LMNTD1: variants seen among roughly 807,000 people sequenced by gnomAD.
The protein encoded by LMNTD1 is lamin tail domain containing 1, also known as lamin tail domain-containing protein 1.
LMNTD1 carries 35 observed loss-of-function variants against 50.9 expected under a neutral mutation model. The ratio of observed to expected loss-of-function variants is 0.69; its 90% CI spans 0.53 to 0.91. LMNTD1 has a LOEUF of 0.91. Ranked by LOEUF, LMNTD1 falls within the 40% of genes least tolerant of loss-of-function variation. LMNTD1 has a pLI of 0.00. For synonymous variants in LMNTD1, 153 were observed against 161.9 expected, an observed-to-expected ratio of 0.94 and a Z score of 0.42; for missense variants, 470 against 475.5, an observed-to-expected ratio of 0.99 and a Z score of 0.11.
At chr12:25,516,516 A>T (rs1422231535) in intron 8 of LMNTD1, among the ~76,000 whole-genome samples, 1 of 152,202 alleles carries the variant, frequency 6.6e-6, no homozygotes, top group Non-Finnish European at 1.5e-5. Flanking sequence ...GAAAGCCTCA[A>T]ATTTAAGTCA....
chr12:25,599,109 T>C (rs1399775609), intron 1 of LMNTD1, among the ~76,000 whole-genome samples: 10 of 152,024 alleles, frequency 6.6e-5, no homozygotes, highest in African/African-American at 1.9e-4. Flanking sequence ...TAAAAGATCA[T>C]TCATCATAAC....
intron 4 of LMNTD1, among the ~76,000 whole-genome samples, chr12:25,536,043 T>G (rs1479608546): frequency 1.3e-5 from 2 of 152,172 alleles, no homozygotes; most frequent in Admixed American, 6.5e-5. Context: ...TTCCTAAATG[T>G]TTCTGTTTCT....
chr12:25,647,352 G>A (rs1418172598), intron 1 of LMNTD1, among the ~76,000 whole-genome samples: 1 of 152,118 alleles, frequency 6.6e-6, no homozygotes, highest in African/African-American at 2.4e-5. Flanking sequence ...GGGCATGGTG[G>A]CCTGTGCCTG....
At chr12:25,622,463 G>GCAC (rs1555124240) in intron 1 of LMNTD1, among the ~76,000 whole-genome samples, 2 of 111,154 alleles carry the variant, frequency 1.8e-5, no homozygotes, top group Non-Finnish European at 4.0e-5. Context: ...GAGTTTGTGA[G>GCAC]CCCGCCCCCC....
intron 8 of LMNTD1, among the ~76,000 whole-genome samples, chr12:25,516,178 G>GA (rs1162575054): frequency 2.0e-5 from 3 of 151,812 alleles, no homozygotes; most frequent in African/African-American, 4.8e-5. Flanking sequence ...AGAAATCAAA[G>GA]AAAAAATCGT....
chr12:25,524,611 C>A (rs1941579627), intron 6 of LMNTD1, among the ~76,000 whole-genome samples: 1 of 151,870 alleles, frequency 6.6e-6, no homozygotes, highest in African/African-American at 2.4e-5. Context: ...AAGTAGAAAT[C>A]ACAAACTGGT....
chr12:25,484,069 T>A (rs1409324534), intron 9 of LMNTD1, among the ~76,000 whole-genome samples: 1 of 152,012 alleles, frequency 6.6e-6, no homozygotes, highest in Non-Finnish European at 1.5e-5. Context: ...TTAACTTTTG[T>A]GTTTTTCTTT....
intron 1 of LMNTD1, among the ~76,000 whole-genome samples, chr12:25,607,275 A>G (rs1946133748): frequency 6.6e-6 from 1 of 151,722 alleles, no homozygotes; most frequent in South Asian, 2.1e-4. Context: ...GATCTTTTCA[A>G]AAAACCAGCT....
intron 1 of LMNTD1, among the ~76,000 whole-genome samples, chr12:25,610,730 T>G (rs1946222381): frequency 6.6e-6 from 1 of 152,166 alleles, no homozygotes; most frequent in South Asian, 2.1e-4. Context: ...GCTTGGCATC[T>G]CACTAATCCA....
chr12:25,573,253 G>C (rs991346923), intron 1 of LMNTD1, among the ~76,000 whole-genome samples: 1 of 151,632 alleles, frequency 6.6e-6, no homozygotes, highest in Non-Finnish European at 1.5e-5. Context: ...CTGATTATAC[G>C]TGTCTCCTAA....
At chr12:25,542,355 G>A (rs10842578) in intron 4 of LMNTD1, among the ~76,000 whole-genome samples, 98,121 of 147,128 alleles carry the variant, frequency 0.67, 33,173 homozygotes, top group Admixed American at 0.73. Flanking sequence ...GATTAAGAAA[G>A]TGTGGCACAT....
intron 2 of LMNTD1, 21 bp from the exon 3 acceptor site, chr12:25,549,567 A>G (rs368830887): frequency 4.9e-5 from 62 of 1,263,914 alleles, no homozygotes; most frequent in Non-Finnish European, 6.3e-5. Flanking sequence ...AAAATATAAT[A>G]TAAATAAATA....
At chr12:25,529,432 G>T (rs1397010475) in intron 4 of LMNTD1, among the ~76,000 whole-genome samples, 2 of 152,076 alleles carry the variant, frequency 1.3e-5, no homozygotes, top group African/African-American at 4.8e-5. Context: ...CATCACTTTG[G>T]CCTGTTGTAA....
intron 1 of LMNTD1, among the ~76,000 whole-genome samples, chr12:25,570,085 G>A (rs1273142221): frequency 6.6e-6 from 1 of 152,158 alleles, no homozygotes; most frequent in Non-Finnish European, 1.5e-5. Flanking sequence ...TTCAGAGGCT[G>A]CATTCTCAAT....
At chr12:25,484,675 C>G (rs895400049) in intron 9 of LMNTD1, among the ~76,000 whole-genome samples, 1 of 126,306 alleles carries the variant, frequency 7.9e-6, no homozygotes, top group African/African-American at 3.1e-5. Flanking sequence ...CCACCACAGT[C>G]CCCAGAGTGT....
chr12:25,514,344 A>G (rs1940576787), intron 8 of LMNTD1, among the ~76,000 whole-genome samples: 1 of 152,156 alleles, frequency 6.6e-6, no homozygotes. Context: ...ACCATACATA[A>G]AAACAACTTC....
intron 1 of LMNTD1, among the ~76,000 whole-genome samples, chr12:25,598,998 A>G (rs995998656): frequency 6.6e-6 from 1 of 151,898 alleles, no homozygotes; most frequent in Admixed American, 6.6e-5. Context: ...AACTTATTCT[A>G]CGAGGCCAGT....
rs781742784 is a variant in LMNTD1, at chr12:25,519,586, T to TAAAAAAAAA, written c.1016+271_1016+272insTTTTTTTTT. On this transcript the variant is annotated intron_variant, in intron 7 of 9. Transcript: ENST00000458174. Reference sequence around the variant, plus strand: ...CTGGGTGACAGAGCGAGACTCTGTCTCAAAAAAAAAAAAAAAAAAAAAGTG... The same window carrying TAAAAAAAAA: ...CTGGGTGACAGAGCGAGACTCTGTCTAAAAAAAAACAAAAAAAAAAAAAAAAAAAAAGTG... 6.8e-3 allele frequency among the ~76,000 whole-genome samples: 509 copies of TAAAAAAAAA among 74,906 alleles called. 85 individuals carry two copies. Among genetic ancestry groups the TAAAAAAAAA allele is most frequent in the Admixed American group, 0.062 (401 of 6,458 alleles). The allele number at this position is 74,906 out of a possible 152,430, so 49.1% of individuals were successfully genotyped here.
intron 6 of LMNTD1, among the ~76,000 whole-genome samples, chr12:25,523,279 G>A (rs193255890): frequency 3.0e-4 from 45 of 152,184 alleles, no homozygotes; most frequent in Non-Finnish European, 4.9e-4. Context: ...TGATCCGCCC[G>A]CCTCGGCCTC....
Sources: allele counts gnomAD v4.1 joint callset (sites outside exome capture counted in the v4.1 genomes callset), GRCh38; gene constraint gnomAD v4.1.1; transcripts MANE v1.5; gene names NCBI Gene and HGNC (gene_info 2026-07-23, HGNC 2026-07-21).